Variants in PIWIL1 observed in about 807,000 individuals in gnomAD.
The protein encoded by PIWIL1 is piwi like RNA-mediated gene silencing 1.
PIWIL1 carries 73 observed loss-of-function variants against 114.4 expected under a neutral mutation model. The observed-to-expected ratio is 0.64, with a 90% CI of 0.53 to 0.78. The LOEUF is 0.78. Among genes scored for constraint, PIWIL1 ranks in the 30% least tolerant of loss-of-function variants. The pLI, the probability that PIWIL1 is intolerant of heterozygous loss-of-function variation, is 0.00. For synonymous variants in PIWIL1, 375 were observed against 369.0 expected (o/e 1.02, Z -0.19); for missense variants, 723 against 1,063.1 (o/e 0.68, Z 4.45).
At chr12:130,345,939 G>C in intron 4 of PIWIL1, 61 bp downstream of exon 4, 1 of 1,568,834 alleles carries the variant, frequency 6.4e-7, no homozygotes, top group Non-Finnish European at 8.7e-7. Flanking sequence ...ACAGTGAATT[G>C]AGGCACTTTA....
At chr12:130,398,901 T>C in the PIWIL1 span, 1 of 292,518 alleles carries the variant, frequency 3.4e-6, no homozygotes, top group South Asian at 1.6e-4. Flanking sequence ...AGGAAATGAT[T>C]ATTAAAGATG....
At chr12:130,359,707 T>A (rs1018898220) in intron 14 of PIWIL1, among the ~76,000 whole-genome samples, 1 of 152,206 alleles carries the variant, frequency 6.6e-6, no homozygotes, top group Non-Finnish European at 1.5e-5. Flanking sequence ...GGGTGATACA[T>A]AGAAGTTCAG....
intron 1 of PIWIL1, among the ~76,000 whole-genome samples, chr12:130,340,541 G>C (rs989005669): frequency 6.6e-6 from 1 of 151,042 alleles, no homozygotes; most frequent in Admixed American, 6.6e-5. Context: ...GGTGAGCTCA[G>C]GCTGTCCTGC....
intron 19 of PIWIL1, among the ~76,000 whole-genome samples, chr12:130,369,895 T>A (rs2073772793): frequency 6.6e-6 from 1 of 152,158 alleles, no homozygotes; most frequent in South Asian, 2.1e-4. Context: ...TTTAATTAGA[T>A]CCCATTTGTC....
the PIWIL1 span, among the ~76,000 whole-genome samples, chr12:130,383,182 A>G: frequency 1.3e-5 from 2 of 152,120 alleles, no homozygotes; most frequent in East Asian, 3.9e-4. Context: ...ATAGATTTGC[A>G]TTTTTCTTGT....
the PIWIL1 span, among the ~76,000 whole-genome samples, chr12:130,423,211 G>A: frequency 6.6e-6 from 1 of 152,226 alleles, no homozygotes; most frequent in African/African-American, 2.4e-5. Flanking sequence ...TTGCTAGTAA[G>A]TAAATGGAGT....
At chr12:130,384,248 T>A in the PIWIL1 span, among the ~76,000 whole-genome samples, 1 of 152,274 alleles carries the variant, frequency 6.6e-6, no homozygotes, top group Non-Finnish European at 1.5e-5. Flanking sequence ...GCACTTTGTT[T>A]TGTTGAAATG....
At chr12:130,378,460 T>C in the PIWIL1 span, among the ~76,000 whole-genome samples, 21 of 152,228 alleles carry the variant, frequency 1.4e-4, no homozygotes, top group African/African-American at 4.1e-4. Flanking sequence ...TGGGGATGTA[T>C]GTTTTCATTT....
the PIWIL1 span, among the ~76,000 whole-genome samples, chr12:130,380,341 C>G: frequency 6.6e-6 from 1 of 152,226 alleles, no homozygotes. Flanking sequence ...CCCCCACCCC[C>G]CAACTTTTTT....
the PIWIL1 span, among the ~76,000 whole-genome samples, chr12:130,381,545 A>T: frequency 6.6e-6 from 1 of 150,588 alleles, no homozygotes; most frequent in Non-Finnish European, 1.5e-5. Context: ...GTACCAGTAC[A>T]TGTATCCATG....
the PIWIL1 span, among the ~76,000 whole-genome samples, chr12:130,393,638 C>T: frequency 6.7e-6 from 1 of 148,902 alleles, no homozygotes; most frequent in Non-Finnish European, 1.5e-5. Flanking sequence ...GCTATGATTT[C>T]ACTAGACCGG....
In PIWIL1 at chr12:130,355,588, GT is replaced by G. The variant is rs2073342432; in HGVS notation, c.1328del (p.Leu443Ter). 1 of 1,613,990 alleles carries G rather than the reference GT, an allele frequency of 6.2e-7. No individual in the cohort carries two copies. Among genetic ancestry groups the G allele is most frequent in the Admixed American group, 1.7e-5 (1 of 60,006 alleles). ...DNVQRELRDWGLSFDSNLLSF... is the reference protein window; with the variant it reads ...DNVQRELRDWXLSFDSNLLSF... ...GTTCAAAGGGAGCTTCGAGACTGGG[GT>G]TTGAGCTTTGATTCCAACTTACTGT... On this transcript the variant is annotated frameshift_variant, in exon 12 of 21. Coordinates refer to ENST00000245255, the MANE Select transcript of PIWIL1 (RefSeq NM_004764.5). LOFTEE classifies it high-confidence loss of function.
At chr12:130,411,967 A>G in the PIWIL1 span, among the ~76,000 whole-genome samples, 75 of 152,306 alleles carry the variant, frequency 4.9e-4, no homozygotes, top group Admixed American at 3.2e-3. Flanking sequence ...TATAAAACTG[A>G]TATCTCTCTA....
the PIWIL1 span, among the ~76,000 whole-genome samples, chr12:130,389,361 T>C: frequency 6.6e-6 from 1 of 152,104 alleles, no homozygotes. Flanking sequence ...TTATATAAGA[T>C]TGGGGTGATC....
chr12:130,381,030 G>A, the PIWIL1 span, among the ~76,000 whole-genome samples: 4 of 151,974 alleles, frequency 2.6e-5, no homozygotes, highest in Non-Finnish European at 4.4e-5. Flanking sequence ...ACCCACACAG[G>A]CCCAGCCTCC....
At chr12:130,367,434 G>C (rs1305651561) in intron 19 of PIWIL1, among the ~76,000 whole-genome samples, 176 bp downstream of exon 19, 1 of 152,128 alleles carries the variant, frequency 6.6e-6, no homozygotes, top group Admixed American at 6.5e-5. Context: ...TGGTTTCCTG[G>C]TGTCTGAACA....
chr12:130,365,162 A>G (rs1205071567), intron 18 of PIWIL1, among the ~76,000 whole-genome samples: 3 of 152,198 alleles, frequency 2.0e-5, no homozygotes, highest in Admixed American at 6.5e-5. Context: ...ACAGCGTTGC[A>G]GGGAAGGAGA....
chr12:130,397,184 A>G, the PIWIL1 span: 2 of 366,982 alleles, frequency 5.4e-6, no homozygotes, highest in Non-Finnish European at 4.8e-6. Flanking sequence ...ACAGAGAGCA[A>G]CCGCTCCTCT....
At chr12:130,376,447 C>T (rs2073866967), downstream of PIWIL1, among the ~76,000 whole-genome samples, 1 of 152,176 alleles carries the variant, frequency 6.6e-6, no homozygotes, top group Admixed American at 6.5e-5. Context: ...TTTGATTTCG[C>T]AGAACTCCAA....
Sources: allele counts gnomAD v4.1 joint callset (sites outside exome capture counted in the v4.1 genomes callset), GRCh38; gene constraint gnomAD v4.1.1; transcripts MANE v1.5; gene names NCBI Gene and HGNC (gene_info 2026-07-23, HGNC 2026-07-21).